The following AP1G2 variants were observed in gnomAD, a reference collection of about 807,000 sequenced individuals.
AP1G2 encodes adaptor related protein complex 1 subunit gamma 2, also known as AP-1 complex subunit gamma-like 2.
A neutral mutation model predicts 95.8 loss-of-function variants in AP1G2; 85 were observed. That is an observed-to-expected ratio of 0.89 (90% CI 0.74 to 1.06). AP1G2 has a LOEUF of 1.06. Ranked by LOEUF, AP1G2 falls within the 50% of genes least tolerant of loss-of-function variation. The pLI, the probability that AP1G2 is intolerant of heterozygous loss-of-function variation, is 0.00. For synonymous variants in AP1G2, 378 were observed against 400.0 expected (o/e 0.94, Z 0.66); for missense variants, 967 against 1,005.8 (o/e 0.96, Z 0.52).
chr14:23,566,167 A>G lies in AP1G2; in HGVS notation c.472-7T>C. On this transcript the variant is annotated splice_polypyrimidine_tract_variant and splice_region_variant and intron_variant, in intron 4 of 21. Transcript: ENST00000397120. ...GCACTGCAGTCAGAATAGCCTGCAG[A>G]GGTCAGGGGCCTCAGACAGGGGTCA... 6.3e-7 allele frequency: 1 copy of G among 1,596,480 alleles called. No individual in the cohort carries two copies.
rs1888710275 is a variant in AP1G2, at chr14:23,567,605, C to T, written c.-6+134G>A. ...CCGTTTCCTCCCCCTACCTGGTACC[C>T]CATCCCTAGCTCAGCCATTGCTTTT... On this transcript the variant is annotated intron_variant, in intron 1 of 21. Transcript: ENST00000397120. The surrounding 1 kb of genome is among the most constrained non-coding windows in gnomAD (Gnocchi z 5.3). 31 of 1,205,308 alleles carry T rather than the reference C, an allele frequency of 2.6e-5. 1 individual carries two copies. The South Asian group carries it at 7.5e-4, about 29-fold the overall frequency. 74.7% of individuals were successfully genotyped at this position (1,205,308 alleles called of 1,614,324 possible).
chr14:23,565,563 G>A (rs1887452141), intron 7 of AP1G2, 43 bp downstream of exon 7: 3 of 1,506,632 alleles, frequency 2.0e-6, no homozygotes, highest in African/African-American at 1.4e-5. Flanking sequence ...TTACTGCTAT[G>A]CCCTCTCTGA....
chr14:23,565,151 T>C lies in AP1G2; in HGVS notation c.790A>G (p.Ser264Gly). 6.2e-7 allele frequency: 1 copy of C among 1,614,200 alleles called. No individual in the cohort carries two copies. Among genetic ancestry groups the C allele is most frequent in the Non-Finnish European group, 8.5e-7 (1 of 1,180,026 alleles). ...LRILGRNHEE[S>G]SETMNDLLAQ... ...AGCAAGTCATTCATGGTCTCACTGC[T>C]CTCCTCGTGGTTCCGGCCCAGGATC... The change falls in exon 8 of 22, where the codon AGC becomes GGC. Residue 264 changes from serine to glycine, a missense_variant. Physicochemically the swap from Ser to Gly is moderately conservative, Grantham distance 56 (BLOSUM62 0). Transcript: ENST00000397120.
At chr14:23,562,689 G>T in intron 14 of AP1G2, 96 bp from the exon 15 acceptor site, 3 of 1,284,340 alleles carry the variant, frequency 2.3e-6, no homozygotes, top group Non-Finnish European at 3.2e-6. Flanking sequence ...GATTGCTTGA[G>T]ACCAGGAGTT....
rs556896475 is a variant in AP1G2 at position 23,563,708 on chromosome 14, C to T, written c.1232+8G>A. 1.2e-6 allele frequency: 2 copies of T among 1,614,022 alleles called. No individual in the cohort carries two copies. Among genetic ancestry groups the T allele is most frequent in the South Asian group, 2.2e-5 (2 of 91,084 alleles). On this transcript the variant is annotated splice_region_variant and intron_variant, in intron 12 of 21. Transcript: ENST00000397120. The stretch of plus-strand genomic sequence containing the variant: ...GATTCTACCCTCTTCGACTCCTGGG[C>T]ACCTCACCTCTCTGCAGCCAGCAGG...
At chr14:23,566,443 A>G (rs773422021) in intron 3 of AP1G2, 24 bp from the exon 4 acceptor site, 2 of 1,610,406 alleles carry the variant, frequency 1.2e-6, no homozygotes, top group East Asian at 2.2e-5. Context: ...GAGGACGGTC[A>G]GTCAAACCTC....
At position 23,563,697 on chromosome 14, in the gene AP1G2, C is replaced by T; in HGVS notation, c.1232+19G>A. The T allele has an allele frequency of 1.9e-6, 3 of 1,614,154 alleles. No individual in the cohort carries two copies. The highest frequency in any genetic ancestry group is 2.2e-5 in the East Asian group (1 of 44,880). ...GACGCTCCCCAGATTCTACCCTCTT[C>T]GACTCCTGGGCACCTCACCTCTCTG... On this transcript the variant is annotated intron_variant, in intron 12 of 21. Transcript: ENST00000397120.
Position 23,567,085 on chromosome 14 carries a change from AGGAG to A in AP1G2, c.204+22_204+25del, listed in dbSNP as rs1888416667. 1.9e-6 allele frequency: 3 copies of A among 1,598,564 alleles called. No homozygotes were observed. The highest frequency in any genetic ancestry group is 2.6e-6 in the Non-Finnish European group (3 of 1,173,594). On this transcript the variant is annotated intron_variant, in intron 2 of 21. Transcript: ENST00000397120. This position sits in a 1 kb window ranked among gnomAD's most constrained non-coding sequence, Gnocchi z 5.3. ...TGCCCCACTAGCCTTCATCAAGCTC[AGGAG>A]GGAGGTATTCCTGGCCAGTACCTGT...
At chr14:23,563,554 G>C in intron 13 of AP1G2, 30 bp downstream of exon 13, 1 of 1,614,214 alleles carries the variant, frequency 6.2e-7, no homozygotes, top group Non-Finnish European at 8.5e-7. Flanking sequence ...GACCACTTCT[G>C]CCCAGCTCTC....
Position 23,566,421 on chromosome 14 carries a change from T to C in AP1G2, c.330-2A>G. 6.2e-7 allele frequency: 1 copy of C among 1,613,344 alleles called. No individual in the cohort carries two copies. Among genetic ancestry groups the C allele is most frequent in the Non-Finnish European group, 8.5e-7 (1 of 1,179,508 alleles). On this transcript the variant is annotated splice_acceptor_variant, in intron 3 of 21. Coordinates refer to ENST00000397120, the MANE Select transcript of AP1G2 (RefSeq NM_003917.5). LOFTEE classifies it high-confidence loss of function. The stretch of plus-strand genomic sequence containing the variant: ...GGCTGAATCCCCTGGCTCAGGTCAC[T>C]GCAGGGTTTGGGAGGACGGTCAGTC...
chr14:23,561,355 G>A lies in AP1G2; in HGVS notation c.1934C>T (p.Pro645Leu), dbSNP rs1884522699. ...GDVQHPPHLDPSPGGALVHLL... is the reference protein window; with the variant it reads ...GDVQHPPHLDLSPGGALVHLL... Reference sequence around the variant, plus strand: ...GTGTACCAGGGCACCTCCTGGGGAGGGGTCCAGATGGGGAGGATGCTGGAC... The same window carrying A: ...GTGTACCAGGGCACCTCCTGGGGAGAGGTCCAGATGGGGAGGATGCTGGAC... Residue 645 changes from proline (P) to leucine (L), a missense_variant, in exon 19 of 22, where the codon CCC becomes CTC. Physicochemically the swap from Pro to Leu is moderately conservative, Grantham distance 98. Transcript: ENST00000397120. The A allele has an allele frequency of 2.5e-6, 4 of 1,589,222 alleles. No individual in the cohort carries two copies. The African/African-American group carries it at 4.0e-5, about 16-fold the overall frequency.
chr14:23,560,576 A>C, intron 19 of AP1G2, 158 bp from the exon 20 acceptor site: 2 of 700,478 alleles, frequency 2.9e-6, no homozygotes, highest in Non-Finnish European at 4.3e-6. Flanking sequence ...TTACTGTCTA[A>C]TGGGGGAGAG....
chr14:23,566,670 A>G lies in AP1G2; in HGVS notation c.221T>C (p.Leu74Pro), dbSNP rs1219942146. 6.2e-7 allele frequency: 1 copy of G among 1,614,216 alleles called. No homozygotes were observed. The highest frequency in any genetic ancestry group is 8.5e-7 in the Non-Finnish European group (1 of 1,180,028). ...GTCTGTGAATCTGGAGGAGGCGATC[A>G]GTTTCAGGCACTCCATCTATAGTGA... ...AHFGQMECLK[L>P]IASSRFTDKR... The change falls in exon 3 of 22, where the codon CTG (leucine) becomes CCG (proline). Residue 74 changes from leucine to proline, a missense_variant. By Grantham distance (98) the Leu-to-Pro change is moderately conservative (BLOSUM62 -3). Transcript: ENST00000397120.
Position 23,561,370 on chromosome 14 carries a change from G to A in AP1G2, c.1919C>T (p.Pro640Leu). ...LDGASGDVQH[P>L]PHLDPSPGGA... ...TCCTGGGGAGGGGTCCAGATGGGGAGGATGCTGGACATCCCCAGAAGCCCC... is the reference window on the plus strand; with the variant it reads ...TCCTGGGGAGGGGTCCAGATGGGGAAGATGCTGGACATCCCCAGAAGCCCC... The change falls in exon 19 of 22, where the codon CCT (proline) becomes CTT (leucine). Residue 640 changes from proline (P) to leucine (L), a missense_variant. Pro to Leu is a moderately conservative substitution (Grantham distance 98). Coordinates refer to ENST00000397120, the MANE Select transcript of AP1G2 (RefSeq NM_003917.5). The A allele has an allele frequency of 6.3e-7, 1 of 1,598,756 alleles. No individual in the cohort carries two copies. The highest frequency in any genetic ancestry group is 2.2e-5 in the East Asian group (1 of 44,730).
At position 23,563,584 on chromosome 14, in the gene AP1G2, C is replaced by T. The variant is rs574899141; in HGVS notation, c.1287G>A (p.Thr429=). ...HIDTILHVLT[T]AGTHVRDDAV... is the part of the protein sequence containing the mutation. Reference sequence around the variant, plus strand: ...GCTCTCTGACTGGCCCCTGCCTCACCGTTGTCAGCACATGCAGGATGGTGT... The same window carrying T: ...GCTCTCTGACTGGCCCCTGCCTCACTGTTGTCAGCACATGCAGGATGGTGT... Residue 429 remains threonine, a splice_region_variant and synonymous_variant, in exon 13 of 22, where the codon ACG becomes ACA. Transcript: ENST00000397120. The T allele has an allele frequency of 2.6e-4, 426 of 1,614,214 alleles. 4 individuals carry two copies. The South Asian group carries it at 4.0e-3, about 15-fold the overall frequency.
In AP1G2 at chr14:23,565,894, TG is replaced by T. The variant is rs1887663477; in HGVS notation, c.569-3del. 6.3e-7 allele frequency: 1 copy of T among 1,592,108 alleles called. No individual in the cohort carries two copies. ...GCGTGATGGTGCCCAGCAGGATGCC[TG>T]GGGTCAGCGTCGGGGAAGTGAATGG... On this transcript the variant is annotated splice_polypyrimidine_tract_variant and splice_region_variant and intron_variant, in intron 5 of 21. Transcript: ENST00000397120.
At position 23,561,973 on chromosome 14, in the gene AP1G2, G is replaced by A. The variant is rs760007030; in HGVS notation, c.1722C>T (p.Tyr574=). 1.1e-5 allele frequency: 17 copies of A among 1,610,242 alleles called. No individual in the cohort carries two copies. The highest frequency in any genetic ancestry group is 2.2e-5 in the South Asian group (2 of 90,422). ...AGTGCTGGACACACCTCATGTGGTC[G>A]TATTTCCGGAAGAGTGTGTCATACT... ...AVEYDTLFRK[Y]DHMRAAILEK... is the part of the protein sequence containing the mutation. The change falls in exon 17 of 22, where the codon TAC becomes TAT. Residue 574 remains tyrosine (Y), a synonymous_variant. Transcript: ENST00000397120.
intron 3 of AP1G2, 29 bp from the exon 4 acceptor site, chr14:23,566,448 A>G (rs763222642): frequency 6.2e-7 from 1 of 1,609,326 alleles, no homozygotes; most frequent in Non-Finnish European, 8.5e-7. Context: ...CGGTCAGTCA[A>G]ACCTCTGAGA....
At chr14:23,563,175 C>G in intron 14 of AP1G2, 1 of 1,431,384 alleles carries the variant, frequency 7.0e-7, no homozygotes, top group Non-Finnish European at 9.1e-7. Flanking sequence ...AGTTAGTCAT[C>G]TGTAGTTACA....
Sources: gnomAD v4.1 joint callset for allele counts on GRCh38, gnomAD v4.1.1 for gene constraint, Gnocchi (gnomAD v3.1) non-coding constraint, MANE v1.5 for transcripts, NCBI Gene and HGNC (gene_info 2026-07-23, HGNC 2026-07-21) for gene names.